The following SEH1L variants were observed in gnomAD, a reference collection of about 807,000 sequenced individuals.
SEH1L encodes SEH1 like nucleoporin.
Under a neutral mutation model 49.5 loss-of-function variants are expected in SEH1L, and 18 were observed. The ratio of observed to expected loss-of-function variants is 0.36; its 90% CI spans 0.25 to 0.54. SEH1L has a LOEUF of 0.54. SEH1L is among the 20% of genes least tolerant of loss of function. The pLI is 0.87. For synonymous variants in SEH1L, 169 were observed against 178.1 expected, an observed-to-expected ratio of 0.95 and a Z score of 0.41; for missense variants, 404 against 528.8, an observed-to-expected ratio of 0.76 and a Z score of 2.31.
rs147570181 is a variant in SEH1L, at chr18:12,958,169, C to T, written c.309+2560C>T. ...TGGGATCTCGGCTTACTGCATTCTC[C>T]GCCTCCGGGGTTCAAGCGATTTTCC... On this transcript the variant is annotated intron_variant, in intron 3 of 8. Transcript: ENST00000399892. Among the ~76,000 whole-genome samples, 1,200 of 134,168 alleles carry T rather than the reference C, an allele frequency of 8.9e-3. 15 individuals are homozygous for T. Among genetic ancestry groups the T allele is most frequent in the African/African-American group, 0.032 (1,145 of 36,004 alleles). The allele number at this position is 134,168 out of a possible 152,430, so 88.0% of individuals were successfully genotyped here. A position where few individuals can be genotyped will look rare whatever the true frequency, so the allele number is the denominator to read the frequency against.
chr18:12,986,727 CT>C (rs34381701), intron 8 of SEH1L, 134 bp from the exon 9 acceptor site: 208,403 of 904,276 alleles, frequency 0.23, 424 homozygotes, highest in East Asian at 0.34. Flanking sequence ...TATACTAAAG[CT>C]TTTTTTTTTT....
rs1357323244 is a variant in SEH1L at position 12,978,776 on chromosome 18, T to C, written c.645T>C (p.Leu215=). ...GGAAATATGCAAAAGCTGAAACTCT[T>C]ATGACAGTCACTGATCCTGTTCATG... ...NTRKYAKAET[L]MTVTDPVHDI... Residue 215 remains leucine (L), a synonymous_variant, in exon 6 of 9, where the codon CTT becomes CTC. Transcript: ENST00000399892. 2 of 1,612,978 alleles carry C rather than the reference T, an allele frequency of 1.2e-6. No homozygotes were observed. Among genetic ancestry groups the C allele is most frequent in the South Asian group, 1.1e-5 (1 of 90,934 alleles).
chr18:12,971,013 A>G lies in SEH1L; in HGVS notation c.522-140A>G, dbSNP rs1423541662. ...TACTTGCAGTGTGGCCATGTCAGCT[A>G]TGTGGCAGAGACCTAGATTCACTAG... is the stretch of plus-strand genomic sequence containing the variant. On this transcript the variant is annotated intron_variant, in intron 4 of 8. Transcript: ENST00000399892. 2.0e-5 allele frequency: 12 copies of G among 610,722 alleles called. No individual in the cohort carries two copies. In the South Asian group the frequency reaches 2.3e-4, roughly 12 times the overall value. 37.8% of individuals were successfully genotyped at this position (610,722 alleles called of 1,614,324 possible).
At chr18:12,951,015 A>C (rs1313026967) in intron 1 of SEH1L, among the ~76,000 whole-genome samples, 1 of 152,116 alleles carries the variant, frequency 6.6e-6, no homozygotes, top group Non-Finnish European at 1.5e-5. Flanking sequence ...CATTTGTTAC[A>C]TGTACAGTTG....
intron 1 of SEH1L, among the ~76,000 whole-genome samples, chr18:12,951,182 C>G (rs1367615518): frequency 6.6e-6 from 1 of 152,114 alleles, no homozygotes; most frequent in East Asian, 1.9e-4. Flanking sequence ...TGAGGTGAAA[C>G]CAGGCGATAC....
At chr18:12,965,580 C>T (rs923225668) in intron 4 of SEH1L, among the ~76,000 whole-genome samples, 2 of 152,040 alleles carry the variant, frequency 1.3e-5, no homozygotes, top group African/African-American at 4.8e-5. Flanking sequence ...TTTAGAGTTC[C>T]GAATGTAAGA....
In SEH1L at chr18:12,978,803, T is replaced by C. The variant is rs2032034678; in HGVS notation, c.672T>C (p.Asp224=). 1 of 1,613,706 alleles carries C rather than the reference T, an allele frequency of 6.2e-7. No homozygotes were observed. The highest frequency in any genetic ancestry group is 1.7e-5 in the Admixed American group (1 of 60,012). Reference sequence around the variant, plus strand: ...TGACAGTCACTGATCCTGTTCATGATATTGCATTCGCTCCAAATTTGGGAA... The same window carrying C: ...TGACAGTCACTGATCCTGTTCATGACATTGCATTCGCTCCAAATTTGGGAA... ...TLMTVTDPVH[D]IAFAPNLGRS... is the part of the protein sequence containing the mutation. The change falls in exon 6 of 9, where the codon GAT becomes GAC. Residue 224 remains aspartate (D), a synonymous_variant. Transcript: ENST00000399892.
chr18:12,968,448 T>C (rs752653547), intron 4 of SEH1L, among the ~76,000 whole-genome samples: 15 of 152,224 alleles, frequency 9.9e-5, no homozygotes, highest in Admixed American at 1.3e-4. Context: ...CTTTTCTTTT[T>C]CAAGTTCTAA....
chr18:12,976,996 T>G (rs945139885), intron 5 of SEH1L: 2 of 151,814 alleles, frequency 1.3e-5, no homozygotes, highest in African/African-American at 4.9e-5. Context: ...AAAAAGCATA[T>G]TCTGATTGTG....
chr18:12,974,999 T>C (rs202053257), intron 5 of SEH1L, among the ~76,000 whole-genome samples: 2 of 138,272 alleles, frequency 1.4e-5, no homozygotes, highest in African/African-American at 6.4e-5. Context: ...TTTTATTTTA[T>C]TTTTTTTTTT....
chr18:12,951,968 T>C (rs1271277506), intron 2 of SEH1L, 63 bp downstream of exon 2: 3 of 919,750 alleles, frequency 3.3e-6, no homozygotes, highest in African/African-American at 1.7e-5. Context: ...TTTATAGTTA[T>C]CTATGAATTG....
chr18:12,980,511 C>T (rs866201212), intron 6 of SEH1L, among the ~76,000 whole-genome samples: 6 of 66,792 alleles, frequency 9.0e-5, no homozygotes, highest in South Asian at 9.0e-4. Context: ...GCTGGCCGGG[C>T]GGGGGGCTGA....
chr18:12,986,415 C>T (rs1337174102), intron 8 of SEH1L: 1 of 985,518 alleles, frequency 1.0e-6, no homozygotes, highest in Non-Finnish European at 1.2e-6. Flanking sequence ...TGTGTATTCC[C>T]AGTATCATGT....
At chr18:12,966,093 G>GT (rs1370741062) in intron 4 of SEH1L, among the ~76,000 whole-genome samples, 7 of 137,788 alleles carry the variant, frequency 5.1e-5, no homozygotes, top group South Asian at 5.2e-4. Context: ...TTATTTTTAT[G>GT]GTTTTTTTTT....
Position 12,981,850 on chromosome 18 carries a change from A to ATTTTTATTTTTT in SEH1L, c.762-663_762-662insATTTTTTTTTTT, listed in dbSNP as rs1463077173. 2.7e-4 allele frequency among the ~76,000 whole-genome samples: 24 copies of ATTTTTATTTTTT among 88,194 alleles called. 1 individual carries two copies. Among genetic ancestry groups the ATTTTTATTTTTT allele is most frequent in the African/African-American group, 1.4e-3 (24 of 17,580 alleles). The allele number at this position is 88,194 out of a possible 152,430, so 57.9% of individuals were successfully genotyped here. On this transcript the variant is annotated intron_variant, in intron 6 of 8. Transcript: ENST00000399892. ...TTCTTTCCTACTTGCTGCCCTGCCC[A>ATTTTTATTTTTT]TTTTTTTTTTTTTTTTTTTTTTTTT...
chr18:12,954,660 A>AT (rs1238047972), intron 2 of SEH1L, among the ~76,000 whole-genome samples: 1 of 151,876 alleles, frequency 6.6e-6, no homozygotes, highest in African/African-American at 2.4e-5. Context: ...TAGTGATGGC[A>AT]TTTTGCCATA....
chr18:12,950,191 G>A (rs1381208270), intron 1 of SEH1L, among the ~76,000 whole-genome samples: 2 of 151,782 alleles, frequency 1.3e-5, no homozygotes, highest in Non-Finnish European at 2.9e-5. Context: ...ACGCCACCAC[G>A]CCTGGCCAAT....
At chr18:12,971,634 C>CAAAAAAAAAAAAAAAAAAAGAAAA (rs563028729) in intron 5 of SEH1L, 1 of 130,998 alleles carries the variant, frequency 7.6e-6, no homozygotes, top group African/African-American at 3.0e-5. Flanking sequence ...AACCCTGCCT[C>CAAAAAAAAAAAAAAAAAAAGAAAA]AAAAAAAAAA....
chr18:12,951,788 T>C (rs2030547663), intron 1 of SEH1L, 67 bp from the exon 2 acceptor site: 1 of 927,896 alleles, frequency 1.1e-6, no homozygotes, highest in African/African-American at 1.7e-5. Context: ...ACTGATTCAG[T>C]CTTATAGTTT....
Sources: allele counts gnomAD v4.1 joint callset (sites outside exome capture counted in the v4.1 genomes callset), GRCh38; gene constraint gnomAD v4.1.1; transcripts MANE v1.5; gene names NCBI Gene and HGNC (gene_info 2026-07-23, HGNC 2026-07-21).